TSHZ3: variants seen among roughly 807,000 people sequenced by gnomAD.
The protein encoded by TSHZ3 is teashirt homolog 3.
Under a neutral mutation model 64.5 loss-of-function variants are expected in TSHZ3, and 10 were observed. The observed-to-expected ratio is 0.16, with a 90% CI of 0.10 to 0.26. The LOEUF (loss-of-function observed/expected upper bound fraction) is 0.26, where lower values mean the gene tolerates loss of function less well. Ranked by LOEUF, TSHZ3 falls within the 10% of genes least tolerant of loss-of-function variation. TSHZ3 has a pLI of 1.00. For synonymous variants in TSHZ3, 608 were observed against 593.1 expected (o/e 1.03, Z -0.36); for missense variants, 1,242 against 1,421.7 (o/e 0.87, Z 2.03).
intron 1 of TSHZ3, among the ~76,000 whole-genome samples, chr19:31,346,092 C>T (rs1303440099): frequency 4.6e-5 from 7 of 152,140 alleles, no homozygotes; most frequent in Admixed American, 4.6e-4. Context: ...ATCAAAAAAT[C>T]CTAAAGTACA....
intron 1 of TSHZ3, among the ~76,000 whole-genome samples, chr19:31,320,367 T>C (rs1208555959): frequency 6.6e-6 from 1 of 152,220 alleles, no homozygotes; most frequent in African/African-American, 2.4e-5. Context: ...CTAAGATCCA[T>C]CCCTGCTGTT....
intron 1 of TSHZ3, among the ~76,000 whole-genome samples, chr19:31,331,760 A>G (rs1917102846): frequency 6.6e-6 from 1 of 152,152 alleles, no homozygotes; most frequent in Non-Finnish European, 1.5e-5. Flanking sequence ...TCCAGCCGGG[A>G]CAGTCAATTG....
intron 1 of TSHZ3, among the ~76,000 whole-genome samples, chr19:31,342,401 T>G (rs1283291450): frequency 6.6e-6 from 1 of 152,224 alleles, no homozygotes; most frequent in Non-Finnish European, 1.5e-5. Flanking sequence ...TAAAATCAAT[T>G]TAATTTTTTA....
chr19:31,168,920 C>G (rs1186977137), intron 5 of TSHZ3, among the ~76,000 whole-genome samples: 1 of 152,170 alleles, frequency 6.6e-6, no homozygotes, highest in Non-Finnish European at 1.5e-5. Flanking sequence ...AAGCTTGAGT[C>G]TCCATGCAAG....
chr19:31,208,700 A>G (rs1462185632), intron 4 of TSHZ3, among the ~76,000 whole-genome samples: 2 of 152,224 alleles, frequency 1.3e-5, no homozygotes, highest in Non-Finnish European at 2.9e-5. Flanking sequence ...ATGTAGGGGC[A>G]GTGAAGACAT....
chr19:31,216,250 G>A (rs372851670), intron 4 of TSHZ3, among the ~76,000 whole-genome samples: 1 of 151,860 alleles, frequency 6.6e-6, no homozygotes, highest in African/African-American at 2.4e-5. Flanking sequence ...GGCCTTTTTG[G>A]GGGGGCTCCC....
In TSHZ3 at chr19:31,276,529, T is replaced by C; in HGVS notation, c.*18A>G. On this transcript the variant is annotated 3_prime_UTR_variant, in exon 2 of 2. Transcript: ENST00000240587. ...TTCCCTCAAAGCAAACTGCAGTCCT[T>C]TCTATCAAAAGCAAATGCTACTGCT... 1 of 1,528,774 alleles carries C rather than the reference T, an allele frequency of 6.5e-7. No homozygotes were observed. Among genetic ancestry groups the C allele is most frequent in the Admixed American group, 2.0e-5 (1 of 49,006 alleles). The allele number at this position is 1,528,774 out of a possible 1,614,324, so 94.7% of individuals were successfully genotyped here.
intron 4 of TSHZ3, among the ~76,000 whole-genome samples, chr19:31,222,694 G>T (rs142495465): frequency 6.6e-6 from 1 of 152,182 alleles, no homozygotes; most frequent in Non-Finnish European, 1.5e-5. Flanking sequence ...GGAGGTACTC[G>T]GAAAATATTT....
chr19:31,264,849 C>T (rs115246022), intron 1 of TSHZ3, among the ~76,000 whole-genome samples: 196 of 152,118 alleles, frequency 1.3e-3, no homozygotes, highest in African/African-American at 4.5e-3. Context: ...GGCCAGTCAA[C>T]GAAGGTTCCT....
intron 3 of TSHZ3, among the ~76,000 whole-genome samples, chr19:31,239,933 T>G (rs549466185): frequency 5.6e-4 from 85 of 152,230 alleles, no homozygotes; most frequent in Non-Finnish European, 9.6e-4. Context: ...ATTTTTATCC[T>G]TTTGTTTCAT....
At chr19:31,283,199 T>C (rs927063694) in intron 1 of TSHZ3, among the ~76,000 whole-genome samples, 1 of 152,130 alleles carries the variant, frequency 6.6e-6, no homozygotes, top group Non-Finnish European at 1.5e-5. Flanking sequence ...CCAGACATGG[T>C]GGCACATGCC....
At chr19:31,342,558 A>T (rs1284629024) in intron 1 of TSHZ3, among the ~76,000 whole-genome samples, 1 of 152,174 alleles carries the variant, frequency 6.6e-6, no homozygotes, top group Non-Finnish European at 1.5e-5. Context: ...TAAATTCAAA[A>T]CCCATTTACA....
chr19:31,322,421 T>TGTA, intron 1 of TSHZ3, among the ~76,000 whole-genome samples: 1 of 150,590 alleles, frequency 6.6e-6, no homozygotes, highest in East Asian at 2.0e-4. Context: ...CCTAGCCTTA[T>TGTA]GTATGTATTT....
intron 1 of TSHZ3, among the ~76,000 whole-genome samples, chr19:31,286,705 C>T (rs1482654913): frequency 6.6e-6 from 1 of 152,154 alleles, no homozygotes; most frequent in Non-Finnish European, 1.5e-5. Context: ...GAGGGAGCGC[C>T]CTGTCCCCGG....
chr19:31,205,029 C>G (rs1230867909), exon 5 of TSHZ3: 1 of 152,224 alleles, frequency 6.6e-6, no homozygotes, highest in African/African-American at 2.4e-5. Flanking sequence ...AACTTGGGGT[C>G]TTTCAAGTTC....
intron 5 of TSHZ3, among the ~76,000 whole-genome samples, chr19:31,171,097 A>T (rs1192606351): frequency 6.6e-6 from 1 of 152,210 alleles, no homozygotes; most frequent in Non-Finnish European, 1.5e-5. Flanking sequence ...AAATGGTCTC[A>T]GTAAAGAAAA....
rs1976315022 is a variant in TSHZ3 at position 31,279,229 on chromosome 19, G to A, written c.564C>T (p.Pro188=). The change falls in exon 2 of 2, where the codon CCC becomes CCT. Residue 188 remains proline (P), a synonymous_variant. Transcript: ENST00000240587. This position sits in a 1 kb window ranked among gnomAD's most constrained non-coding sequence, Gnocchi z 6.4. ...QVSQSRMLPE[P]SLFSTVQLYR... is the part of the protein sequence containing the mutation. ...ACAGCTGCACGGTGCTGAAGAGGCT[G>A]GGCTCCGGGAGCATGCGGCTCTGTG... The A allele has an allele frequency of 5.0e-6, 8 of 1,614,156 alleles. No homozygotes were observed. The highest frequency in any genetic ancestry group is 4.0e-5 in the African/African-American group (3 of 75,036).
chr19:31,204,465 G>A lies in TSHZ3; in HGVS notation n.809+491C>T, dbSNP rs142669204. 3.9e-3 allele frequency among the ~76,000 whole-genome samples: 588 copies of A among 151,702 alleles called. 3 individuals carry two copies. The highest frequency in any genetic ancestry group is 0.013 in the African/African-American group (554 of 41,316). ...TTCCCCTTTTTGGGGGAGGGGTGTG[G>A]TGGACAAATGCAGAGTTAAAATTAT... On this transcript the variant is annotated intron_variant and non_coding_transcript_variant, in intron 5 of 6. Transcript: ENST00000651361.
intron 3 of TSHZ3, among the ~76,000 whole-genome samples, chr19:31,235,662 ATTTCTTTCTTCTTTC>A (rs1568355710): frequency 2.1e-5 from 1 of 46,654 alleles, no homozygotes; most frequent in African/African-American, 9.4e-5. Flanking sequence ...ATTTCTTTCT[ATTTCTTTCTTCTTTC>A]TTTCTTTCTT....
Sources: allele counts gnomAD v4.1 joint callset (sites outside exome capture counted in the v4.1 genomes callset), GRCh38; gene constraint gnomAD v4.1.1; non-coding constraint Gnocchi (gnomAD v3.1); transcripts MANE v1.5; gene names NCBI Gene and HGNC (gene_info 2026-07-23, HGNC 2026-07-21).